Variants in REEP1 observed in about 807,000 individuals in gnomAD.
The protein encoded by REEP1 is receptor expression-enhancing protein 1.
Under a neutral mutation model 40.3 loss-of-function variants are expected in REEP1, and 22 were observed. The observed-to-expected ratio is 0.55, with a 90% confidence interval of 0.39 to 0.78. REEP1 has a LOEUF of 0.78. Ranked by LOEUF, REEP1 falls within the 30% of genes least tolerant of loss-of-function variation. REEP1 has a pLI of 0.00. For synonymous variants in REEP1, 116 were observed against 139.2 expected, an observed-to-expected ratio of 0.83 and a Z score of 1.17; for missense variants, 280 against 361.1, an observed-to-expected ratio of 0.78 and a Z score of 1.82.
intron 1 of REEP1, among the ~76,000 whole-genome samples, chr2:86,288,388 A>G (rs1008864806): frequency 6.6e-6 from 1 of 152,142 alleles, no homozygotes; most frequent in Non-Finnish European, 1.5e-5. Flanking sequence ...GAACTCCTGG[A>G]TTCACTGATT....
chr2:86,317,862 A>T (rs1680090191), intron 1 of REEP1, among the ~76,000 whole-genome samples: 1 of 152,188 alleles, frequency 6.6e-6, no homozygotes, highest in Non-Finnish European at 1.5e-5. Flanking sequence ...TTGTGTGCTG[A>T]ATTATCCGCT....
chr2:86,236,258 C>T (rs894447775), intron 5 of REEP1, among the ~76,000 whole-genome samples: 3 of 151,826 alleles, frequency 2.0e-5, no homozygotes, highest in Admixed American at 6.6e-5. Context: ...TTTTGTAAAC[C>T]TTTCAGCCCT....
intron 5 of REEP1, among the ~76,000 whole-genome samples, chr2:86,242,153 G>T (rs990367826): frequency 6.6e-6 from 1 of 152,102 alleles, no homozygotes; most frequent in Non-Finnish European, 1.5e-5. Flanking sequence ...TGCATTCTGT[G>T]AAGTCTTTAC....
At chr2:86,256,347 C>CAAA (rs35885517) in intron 3 of REEP1, among the ~76,000 whole-genome samples, 9 of 100,298 alleles carry the variant, frequency 9.0e-5, no homozygotes, top group African/African-American at 3.1e-4. Context: ...GATTCCATCT[C>CAAA]AAAAAAAAAA....
rs1674046680 is a variant in REEP1, at chr2:86,215,265, TA to T, written c.*1773del. ...AAATTCGCTTTTAGGTATATTTTCC[TA>T]TACCCTTTTGCAAATTACAAAATCA... On this transcript the variant is annotated 3_prime_UTR_variant, in exon 9 of 9. Coordinates refer to ENST00000538924, the MANE Select transcript of REEP1 (RefSeq NM_001371279.1). 1 of 151,862 alleles carries T rather than the reference TA, an allele frequency of 6.6e-6. No individual in the cohort carries two copies. The highest frequency in any genetic ancestry group is 1.5e-5 in the Non-Finnish European group (1 of 68,040). The allele number at this position is 151,862 out of a possible 1,614,324, so 9.4% of individuals were successfully genotyped here. A position where few individuals can be genotyped will look rare whatever the true frequency, so the allele number is the denominator to read the frequency against.
intron 2 of REEP1, among the ~76,000 whole-genome samples, chr2:86,272,907 G>GAGCCCAGGAGTTTGAGACC (rs1028751934): frequency 6.6e-6 from 1 of 152,104 alleles, no homozygotes; most frequent in Non-Finnish European, 1.5e-5. Context: ...TGGATCACTT[G>GAGCCCAGGAGTTTGAGACC]AGCCCAGGAG....
At chr2:86,301,661 G>T (rs1002479980) in intron 1 of REEP1, among the ~76,000 whole-genome samples, 1 of 152,184 alleles carries the variant, frequency 6.6e-6, no homozygotes, top group African/African-American at 2.4e-5. Context: ...TATCATTTAT[G>T]AGAGAGCATC....
At chr2:86,241,133 C>A (rs1351660200) in intron 5 of REEP1, among the ~76,000 whole-genome samples, 1 of 152,238 alleles carries the variant, frequency 6.6e-6, no homozygotes, top group Non-Finnish European at 1.5e-5. Flanking sequence ...CCTCCACATA[C>A]AGCAGCTGCC....
At chr2:86,224,575 G>T (rs1307013530) in intron 7 of REEP1, among the ~76,000 whole-genome samples, 1 of 152,164 alleles carries the variant, frequency 6.6e-6, no homozygotes, top group Non-Finnish European at 1.5e-5. Flanking sequence ...GGTATTAAGA[G>T]GCCCTTGGAG....
chr2:86,288,032 A>ACTTTTTTTTTTTTTTTTTTTTT (rs1678490130), intron 1 of REEP1, among the ~76,000 whole-genome samples: 1 of 149,754 alleles, frequency 6.7e-6, no homozygotes, highest in African/African-American at 2.5e-5. Flanking sequence ...TATTTTTATT[A>ACTTTTTTTTTTTTTTTTTTTTT]TTTTTTTGAG....
chr2:86,240,393 C>T (rs553603037), intron 5 of REEP1, among the ~76,000 whole-genome samples: 2 of 152,342 alleles, frequency 1.3e-5, no homozygotes, highest in South Asian at 2.1e-4. Context: ...GGGATGGCAC[C>T]GTCACCGTGG....
chr2:86,296,193 G>A (rs997638684), intron 1 of REEP1, among the ~76,000 whole-genome samples: 1 of 152,334 alleles, frequency 6.6e-6, no homozygotes, highest in South Asian at 2.1e-4. Flanking sequence ...AAAGTTACCA[G>A]TATAGCACTC....
At position 86,292,551 on chromosome 2, in the gene REEP1, T is replaced by C. The variant is rs142561188; in HGVS notation, c.33-10309A>G. On this transcript the variant is annotated intron_variant, in intron 1 of 8. Transcript: ENST00000538924. ...CAATGACTGTCCTGTGGTTGCCTAT[T>C]TCCCAGCTTATGCTCCCCTCCCCAG... 1.2e-3 allele frequency among the ~76,000 whole-genome samples: 188 copies of C among 152,218 alleles called. 4 individuals are homozygous for C. The East Asian group carries it at 0.03, about 24-fold the overall frequency.
chr2:86,239,393 T>C (rs2278105), intron 5 of REEP1, among the ~76,000 whole-genome samples: 50,543 of 151,946 alleles, frequency 0.33, 9,542 homozygotes, highest in Middle Eastern at 0.45. Context: ...GCACGAAGTT[T>C]AGCCCATCTC....
chr2:86,270,265 CA>C (rs1677367765), intron 2 of REEP1, among the ~76,000 whole-genome samples: 2 of 152,140 alleles, frequency 1.3e-5, no homozygotes, highest in African/African-American at 4.8e-5. Context: ...GGCACGATCT[CA>C]GTTCTCCGTA....
At chr2:86,264,724 T>C (rs1320920798) in intron 2 of REEP1, among the ~76,000 whole-genome samples, 2 of 151,764 alleles carry the variant, frequency 1.3e-5, no homozygotes, top group Admixed American at 1.3e-4. Flanking sequence ...AGGTAGCTTA[T>C]ATTGAACTAA....
chr2:86,259,449 G>A (rs186410846), intron 3 of REEP1, among the ~76,000 whole-genome samples: 20 of 150,928 alleles, frequency 1.3e-4, no homozygotes, highest in Non-Finnish European at 2.1e-4. Flanking sequence ...GCAGTGGTGC[G>A]ATCTTAGCTC....
At chr2:86,246,708 CTT>C (rs5832675) in intron 5 of REEP1, among the ~76,000 whole-genome samples, 42 of 139,622 alleles carry the variant, frequency 3.0e-4, no homozygotes, top group African/African-American at 3.7e-4. Flanking sequence ...TTTCTTTTTT[CTT>C]TTTTTTTTTT....
chr2:86,263,805 T>C (rs1008794373), intron 3 of REEP1, among the ~76,000 whole-genome samples, 160 bp downstream of exon 3: 2 of 152,182 alleles, frequency 1.3e-5, no homozygotes, highest in Non-Finnish European at 1.5e-5. Context: ...AAGAACAACT[T>C]TGTGGACTAA....
Sources: gnomAD v4.1 joint callset for allele counts (sites outside exome capture counted in the v4.1 genomes callset) on GRCh38, gnomAD v4.1.1 for gene constraint, MANE v1.5 for transcripts, NCBI Gene and HGNC (gene_info 2026-07-23, HGNC 2026-07-21) for gene names.